Variants in PANK4 observed in about 807,000 individuals in gnomAD.
PANK4 encodes 4'-phosphopantetheine phosphatase.
Under a neutral mutation model 87.9 loss-of-function variants are expected in PANK4, and 40 were observed. The ratio of observed to expected loss-of-function variants is 0.46; its 90% CI spans 0.35 to 0.59. The LOEUF (loss-of-function observed/expected upper bound fraction) is 0.59. Ranked by LOEUF, PANK4 falls within the 20% of genes least tolerant of loss-of-function variation. The pLI is 0.00. For synonymous variants in PANK4, 524 were observed against 467.4 expected, an observed-to-expected ratio of 1.12 and a Z score of -1.56; for missense variants, 926 against 1,072.3, an observed-to-expected ratio of 0.86 and a Z score of 1.90.
Position 2,520,842 on chromosome 1 carries a change from G to T in PANK4, c.487C>A (p.Pro163Thr), listed in dbSNP as rs1193242029. The change falls in exon 4 of 19, where the codon CCC becomes ACC. Residue 163 changes from proline to threonine, a missense_variant. Pro to Thr is a conservative substitution (Grantham distance 38, BLOSUM62 -1). Coordinates refer to ENST00000378466, the MANE Select transcript of PANK4 (RefSeq NM_018216.4). The surrounding 1 kb of genome is among the most constrained non-coding windows in gnomAD (Gnocchi z 6.2). ...KGCNFVLKNI[P>T]HEAFVYQKDS... ...TTCTGGTACACGAAGGCCTCATGGG[G>T]GATGTTCTTGAGCACGAAGTTGCAC... is the stretch of plus-strand genomic sequence containing the variant. 6.3e-7 allele frequency: 1 copy of T among 1,593,926 alleles called. No homozygotes were observed. The highest frequency in any genetic ancestry group is 8.5e-7 in the Non-Finnish European group (1 of 1,170,938).
Position 2,510,643 on chromosome 1 carries a change from A to T in PANK4, c.1938+35T>A, listed in dbSNP as rs200903219. 7.8e-7 allele frequency: 1 copy of T among 1,287,218 alleles called. No homozygotes were observed. The highest frequency in any genetic ancestry group is 1.1e-6 in the Non-Finnish European group (1 of 887,140). The allele number at this position is 1,287,218 out of a possible 1,614,324, so 79.7% of individuals were successfully genotyped here. A position where few individuals can be genotyped will look rare whatever the true frequency, so the allele number is the denominator to read the frequency against. ...AACCCCACCGAGAGCAGAGAAGCCC[A>T]GGGGAAGGGCCCCACCCACCACCTC... is the stretch of plus-strand genomic sequence containing the variant. On this transcript the variant is annotated intron_variant, in intron 16 of 18. Transcript: ENST00000378466. This position sits in a 1 kb window ranked among gnomAD's most constrained non-coding sequence, Gnocchi z 4.9.
rs906152772 is a variant in PANK4, at chr1:2,519,494, C to T, written c.854-170G>A. 3.3e-5 allele frequency among the ~76,000 whole-genome samples: 5 copies of T among 150,708 alleles called. No individual in the cohort carries two copies. Among genetic ancestry groups the T allele is most frequent in the African/African-American group, 7.3e-5 (3 of 40,872 alleles). ...GAGTGGGGGAACTGGAGCCCAAGTG[C>T]GGGAGGCTGCGTGTGATGTGTGAAT... On this transcript the variant is annotated intron_variant, in intron 6 of 18. Coordinates refer to ENST00000378466, the MANE Select transcript of PANK4 (RefSeq NM_018216.4). This position sits in a 1 kb window ranked among gnomAD's most constrained non-coding sequence, Gnocchi z 8.3.
At position 2,509,480 on chromosome 1, in the gene PANK4, C is replaced by T. The variant is rs1643622567; in HGVS notation, c.2108+382G>A. Among the ~76,000 whole-genome samples, 1 of 152,204 alleles carries T rather than the reference C, an allele frequency of 6.6e-6. No homozygotes were observed. Among genetic ancestry groups the T allele is most frequent in the Non-Finnish European group, 1.5e-5 (1 of 68,038 alleles). ...GCAATCAGGAGGACAGACAGCACCA[C>T]ATACAATTGACTAATGACCTCCAGA... On this transcript the variant is annotated intron_variant, in intron 18 of 18. Coordinates refer to ENST00000378466, the MANE Select transcript of PANK4 (RefSeq NM_018216.4). This position sits in a 1 kb window ranked among gnomAD's most constrained non-coding sequence, Gnocchi z 4.9.
chr1:2,518,484 C>T (rs532891902), intron 8 of PANK4, 32 bp downstream of exon 8: 71 of 1,529,896 alleles, frequency 4.6e-5, no homozygotes, highest in African/African-American at 4.1e-4. Context: ...TGAGGCCCCA[C>T]GCTGCTCAGG....
rs1407967263 is a variant in PANK4 at position 2,521,149 on chromosome 1, C to T, written c.374G>A (p.Gly125Asp). The T allele has an allele frequency of 1.2e-6, 2 of 1,613,418 alleles. No homozygotes were observed. Among genetic ancestry groups the T allele is most frequent in the Non-Finnish European group, 8.5e-7 (1 of 1,179,562 alleles). Residue 125 changes from glycine to aspartate, a missense_variant, in exon 3 of 19, where the codon GGC becomes GAC. By Grantham distance (94) the Gly-to-Asp change is moderately conservative. Transcript: ENST00000378466. Reference sequence around the variant, plus strand: ...GAGGTCTTTGAACTTGTAGGCCCCGCCCCCGGTCGCCTGGATGACCTTGGT... The same window carrying T: ...GAGGTCTTTGAACTTGTAGGCCCCGTCCCCGGTCGCCTGGATGACCTTGGT... ...TETKVIQATGGGAYKFKDLIE... is the reference protein window; with the variant it reads ...TETKVIQATGDGAYKFKDLIE...
Position 2,512,963 on chromosome 1 carries a change from T to A in PANK4, c.1652A>T (p.Glu551Val). 1 of 1,612,544 alleles carries A rather than the reference T, an allele frequency of 6.2e-7. No individual in the cohort carries two copies. The highest frequency in any genetic ancestry group is 2.2e-5 in the East Asian group (1 of 44,872). ...TTTCACCAGCGCCAGCTGCCGTTCC[T>A]CCCAGCCCAGCGCGTCCAGGGAGCG... The part of the protein sequence containing the change: ...VVRSLDALGW[E>V]ERQLALVKGL... The change falls in exon 13 of 19, where the codon GAG (glutamate) becomes GTG (valine). Residue 551 changes from glutamate (E) to valine (V), a missense_variant. Coordinates refer to ENST00000378466, the MANE Select transcript of PANK4 (RefSeq NM_018216.4).
chr1:2,518,383 G>C, intron 8 of PANK4, 119 bp from the exon 9 acceptor site: 1 of 957,344 alleles, frequency 1.0e-6, no homozygotes, highest in Non-Finnish European at 1.6e-6. Context: ...TGTTAGACAT[G>C]CCTGCTGCTG....
chr1:2,519,564 C>G lies in PANK4; in HGVS notation c.853+237G>C, dbSNP rs956747338. Among the ~76,000 whole-genome samples the G allele has an allele frequency of 1.3e-5, 2 of 152,184 alleles. No homozygotes were observed. The highest frequency in any genetic ancestry group is 2.4e-5 in the African/African-American group (1 of 41,432). ...CTTTGTTTTGAAGGAGGAAAAAACC[C>G]AATCAGGAAACTATTTTTTCTTCCA... is the stretch of plus-strand genomic sequence containing the variant. On this transcript the variant is annotated intron_variant, in intron 6 of 18. Transcript: ENST00000378466. The surrounding 1 kb of genome is among the most constrained non-coding windows in gnomAD (Gnocchi z 8.3).
chr1:2,525,662 G>A (rs1336115216), intron 1 of PANK4: 1 of 152,266 alleles, frequency 6.6e-6, no homozygotes, highest in Non-Finnish European at 1.5e-5. Flanking sequence ...TCCCCTAGAG[G>A]TGGCTGGGAG....
intron 14 of PANK4, 30 bp downstream of exon 14, chr1:2,511,598 C>A: frequency 6.5e-7 from 1 of 1,534,236 alleles, no homozygotes; most frequent in Admixed American, 1.7e-5. Context: ...CAGCACAAGG[C>A]AAGGCCCCAA....
At chr1:2,524,901 A>C (rs972466072) in intron 1 of PANK4, among the ~76,000 whole-genome samples, 35 of 152,154 alleles carry the variant, frequency 2.3e-4, no homozygotes, top group African/African-American at 8.2e-4. Context: ...CCTGCGGTAG[A>C]CAATCCCCTA....
rs774424082 is a variant in PANK4 at position 2,514,447 on chromosome 1, G to C, written c.1394C>G (p.Ala465Gly). The change falls in exon 11 of 19, where the codon GCG becomes GGG. Residue 465 changes from alanine to glycine, a missense_variant. Physicochemically the swap from Ala to Gly is moderately conservative, Grantham distance 60. Coordinates refer to ENST00000378466, the MANE Select transcript of PANK4 (RefSeq NM_018216.4). ...ALDGVVKRAVASQPDSVDAAE... is the reference protein window; with the variant it reads ...ALDGVVKRAVGSQPDSVDAAE... ...TGCATCCACAGAGTCTGGCTGGCTC[G>C]CCACTGCGCGCTTCACTACCTGCCA... 6.2e-7 allele frequency: 1 copy of C among 1,610,632 alleles called. No homozygotes were observed. The highest frequency in any genetic ancestry group is 8.5e-7 in the Non-Finnish European group (1 of 1,179,700).
Position 2,509,821 on chromosome 1 carries a change from G to T in PANK4, c.2108+41C>A. On this transcript the variant is annotated intron_variant, in intron 18 of 18. Transcript: ENST00000378466. This position sits in a 1 kb window ranked among gnomAD's most constrained non-coding sequence, Gnocchi z 4.9. The stretch of plus-strand genomic sequence containing the variant: ...GCAGGTGCACGGCACAGAGGGCACA[G>T]AGCCCAGGAGGGAGAGAACAGGTGC... 1 of 1,575,512 alleles carries T rather than the reference G, an allele frequency of 6.3e-7. No homozygotes were observed. Among genetic ancestry groups the T allele is most frequent in the Non-Finnish European group, 8.7e-7 (1 of 1,149,496 alleles).
intron 1 of PANK4, among the ~76,000 whole-genome samples, chr1:2,525,440 T>C (rs1197096169): frequency 2.0e-5 from 3 of 151,992 alleles, no homozygotes; most frequent in Non-Finnish European, 2.9e-5. Context: ...GAGAGGTATG[T>C]GAAGCCGCAG....
intron 12 of PANK4, among the ~76,000 whole-genome samples, chr1:2,513,306 C>T (rs779834571): frequency 6.6e-6 from 1 of 152,222 alleles, no homozygotes; most frequent in East Asian, 1.9e-4. Flanking sequence ...AGGACACGGC[C>T]CCCACAGGTA....
chr1:2,515,481 C>T lies in PANK4; in HGVS notation c.1374+81G>A. ...AACACTGGCCTGTCCCCCTTCGCCA[C>T]CTTGGCTTTGCCCCCGGAGCCTTGG... On this transcript the variant is annotated intron_variant, in intron 10 of 18. Coordinates refer to ENST00000378466, the MANE Select transcript of PANK4 (RefSeq NM_018216.4). This position sits in a 1 kb window ranked among gnomAD's most constrained non-coding sequence, Gnocchi z 5.0. 1 of 1,479,666 alleles carries T rather than the reference C, an allele frequency of 6.8e-7. No homozygotes were observed. The highest frequency in any genetic ancestry group is 9.4e-7 in the Non-Finnish European group (1 of 1,061,398). The allele number at this position is 1,479,666 out of a possible 1,614,324, so 91.7% of individuals were successfully genotyped here.
Position 2,510,216 on chromosome 1 carries a change from G to C in PANK4, c.1939-59C>G. 1.8e-6 allele frequency: 2 copies of C among 1,113,546 alleles called. No individual in the cohort carries two copies. The highest frequency in any genetic ancestry group is 1.3e-6 in the Non-Finnish European group (1 of 749,090). The allele number at this position is 1,113,546 out of a possible 1,614,324, so 69.0% of individuals were successfully genotyped here. On this transcript the variant is annotated intron_variant, in intron 16 of 18. Coordinates refer to ENST00000378466, the MANE Select transcript of PANK4 (RefSeq NM_018216.4). This position sits in a 1 kb window ranked among gnomAD's most constrained non-coding sequence, Gnocchi z 4.9. ...TGTGCTGGCCCAGCATGGAGCCTGC[G>C]TGCACCCCGGCCTTCGAGTGGCTGG...
intron 1 of PANK4, 168 bp from the exon 2 acceptor site, chr1:2,521,968 A>C: frequency 1.7e-6 from 1 of 602,452 alleles, no homozygotes; most frequent in Non-Finnish European, 3.0e-6. Context: ...GAGGACAGGA[A>C]AACGAACAAT....
Position 2,519,997 on chromosome 1 carries a change from C to A in PANK4, c.700-43G>T. 1 of 1,509,326 alleles carries A rather than the reference C, an allele frequency of 6.6e-7. No individual in the cohort carries two copies. 93.5% of individuals were successfully genotyped at this position (1,509,326 alleles called of 1,614,324 possible). A position where few individuals can be genotyped will look rare whatever the true frequency, so the allele number is the denominator to read the frequency against. ...GGGGCGGGTGAGGCGCCAGGAGCTG[C>A]TGGAATCCCCACGACCCCAGAAACC... is the stretch of plus-strand genomic sequence containing the variant. On this transcript the variant is annotated intron_variant, in intron 5 of 18. Transcript: ENST00000378466. The surrounding 1 kb of genome is among the most constrained non-coding windows in gnomAD (Gnocchi z 8.3).
Sources: gnomAD v4.1 joint callset for allele counts (sites outside exome capture counted in the v4.1 genomes callset) on GRCh38, gnomAD v4.1.1 for gene constraint, Gnocchi (gnomAD v3.1) non-coding constraint, MANE v1.5 for transcripts, NCBI Gene and HGNC (gene_info 2026-07-23, HGNC 2026-07-21) for gene names.